The following PTBP3 variants were observed in gnomAD, a reference collection of about 807,000 sequenced individuals.
PTBP3 encodes polypyrimidine tract binding protein 3.
PTBP3 carries 20 observed loss-of-function variants against 58.7 expected under a neutral mutation model. The ratio of observed to expected loss-of-function variants is 0.34; its 90% CI spans 0.24 to 0.50. PTBP3 has a LOEUF of 0.50. Among genes scored for constraint, PTBP3 ranks in the 20% least tolerant of loss-of-function variants. PTBP3 has a pLI of 0.98. For synonymous variants in PTBP3, 185 were observed against 219.8 expected, an observed-to-expected ratio of 0.84 and a Z score of 1.40; for missense variants, 509 against 637.2, an observed-to-expected ratio of 0.80 and a Z score of 2.17.
chr9:112,267,131 A>G (rs1836831127), intron 4 of PTBP3, among the ~76,000 whole-genome samples: 1 of 151,538 alleles, frequency 6.6e-6, no homozygotes, highest in South Asian at 2.1e-4. Flanking sequence ...GAGGCCAAAC[A>G]TGCCCTTAAA....
chr9:112,315,416 T>C (rs1323069470), intron 1 of PTBP3, among the ~76,000 whole-genome samples: 2 of 151,998 alleles, frequency 1.3e-5, no homozygotes. Flanking sequence ...ACAAAATATT[T>C]TGAACTAAGT....
chr9:112,369,568 C>T, the PTBP3 span, among the ~76,000 whole-genome samples: 1 of 152,192 alleles, frequency 6.6e-6, no homozygotes, highest in Non-Finnish European at 1.5e-5. Flanking sequence ...AATGCCTGTA[C>T]TCACATTGTA....
At chr9:112,290,510 A>G (rs943494268) in intron 2 of PTBP3, among the ~76,000 whole-genome samples, 5 of 151,628 alleles carry the variant, frequency 3.3e-5, no homozygotes, top group African/African-American at 1.2e-4. Context: ...TGTCTCTAAT[A>G]AAAATATAAA....
Position 112,223,789 on chromosome 9 carries a change from TC to T in PTBP3, c.*61del. The T allele has an allele frequency of 6.2e-7, 1 of 1,610,424 alleles. No homozygotes were observed. The stretch of plus-strand genomic sequence containing the variant: ...CAAAATTGGTCTTGAGCTGCTTCAG[TC>T]TATGTCTGAAGGTTTTACTGAAATT... On this transcript the variant is annotated 3_prime_UTR_variant, in exon 14 of 14. Coordinates refer to ENST00000374257, the MANE Select transcript of PTBP3 (RefSeq NM_001163788.4).
At chr9:112,262,641 G>C in intron 4 of PTBP3, 42 bp from the exon 5 acceptor site, 1 of 1,487,910 alleles carries the variant, frequency 6.7e-7, no homozygotes, top group South Asian at 1.4e-5. Flanking sequence ...TTATACAGAC[G>C]CATTATATGA....
Position 112,222,846 on chromosome 9 carries a change from A to G in PTBP3, c.*1005T>C. ...TACACAGTAATTCTGAGTAAGTATT[A>G]GAGATTATAGTGGTACAAAAAACCC... On this transcript the variant is annotated 3_prime_UTR_variant, in exon 14 of 14. Coordinates refer to ENST00000374257, the MANE Select transcript of PTBP3 (RefSeq NM_001163788.4). 1.1e-6 allele frequency: 1 copy of G among 892,042 alleles called. No homozygotes were observed. Among genetic ancestry groups the G allele is most frequent in the South Asian group, 5.2e-5 (1 of 19,282 alleles). 55.3% of individuals were successfully genotyped at this position (892,042 alleles called of 1,614,324 possible). A position where few individuals can be genotyped will look rare whatever the true frequency, so the allele number is the denominator to read the frequency against.
chr9:112,340,876 C>CAAAA, the PTBP3 span, among the ~76,000 whole-genome samples: 724 of 30,038 alleles, frequency 0.024, 9 homozygotes, highest in African/African-American at 0.11. Context: ...AACTCTGTCT[C>CAAAA]AAAAAAAAAA....
chr9:112,335,720 C>T (rs1241188832), upstream of PTBP3, among the ~76,000 whole-genome samples: 13 of 142,930 alleles, frequency 9.1e-5, no homozygotes, highest in African/African-American at 3.3e-4. Flanking sequence ...GTCAGGAGTT[C>T]GAAGCCAGCC....
intron 5 of PTBP3, among the ~76,000 whole-genome samples, chr9:112,260,000 T>G (rs894675926): frequency 1.3e-5 from 2 of 152,102 alleles, no homozygotes; most frequent in African/African-American, 4.8e-5. Flanking sequence ...CTCAGCCTCC[T>G]GGGTACAAGT....
the PTBP3 span, among the ~76,000 whole-genome samples, chr9:112,353,313 G>C: frequency 1.4e-4 from 22 of 152,164 alleles, no homozygotes; most frequent in Non-Finnish European, 3.1e-4. Context: ...CAGTTCACTA[G>C]CTTGTGAGTT....
At chr9:112,373,434 C>T in the PTBP3 span, among the ~76,000 whole-genome samples, 110 of 152,206 alleles carry the variant, frequency 7.2e-4, no homozygotes, top group Non-Finnish European at 1.5e-3. Flanking sequence ...TTAGATGGTG[C>T]CCACCCAGAT....
chr9:112,340,807 C>T, the PTBP3 span, among the ~76,000 whole-genome samples: 4 of 151,410 alleles, frequency 2.6e-5, no homozygotes, highest in East Asian at 1.9e-4. Flanking sequence ...ACCCGGGAGG[C>T]GGAGGTTGCG....
chr9:112,291,218 G>A (rs908102938), intron 2 of PTBP3, among the ~76,000 whole-genome samples: 3 of 130,412 alleles, frequency 2.3e-5, no homozygotes, highest in African/African-American at 1.0e-4. Context: ...GCACAATTCT[G>A]TCTCTGTCTC....
At chr9:112,304,210 A>G (rs1258081540) in intron 1 of PTBP3, among the ~76,000 whole-genome samples, 2 of 152,088 alleles carry the variant, frequency 1.3e-5, no homozygotes, top group East Asian at 3.8e-4. Context: ...CCAGAGTCCA[A>G]TTGTACAGAA....
chr9:112,286,247 T>C (rs1828108690), intron 2 of PTBP3, among the ~76,000 whole-genome samples: 1 of 152,236 alleles, frequency 6.6e-6, no homozygotes, highest in South Asian at 2.1e-4. Context: ...GTCTTCCTTT[T>C]ATCTAAACAA....
At chr9:112,290,977 C>CT (rs1378067199) in intron 2 of PTBP3, among the ~76,000 whole-genome samples, 1 of 151,896 alleles carries the variant, frequency 6.6e-6, no homozygotes, top group African/African-American at 2.4e-5. Flanking sequence ...ATCCCAGCAC[C>CT]TTGGGAGGCC....
intron 1 of PTBP3, among the ~76,000 whole-genome samples, chr9:112,304,078 A>C (rs1014079779): frequency 2.0e-5 from 3 of 151,838 alleles, no homozygotes; most frequent in Non-Finnish European, 2.9e-5. Flanking sequence ...GAGGCACGAG[A>C]ATCACTTGAA....
At chr9:112,358,035 C>T in the PTBP3 span, among the ~76,000 whole-genome samples, 104 of 152,156 alleles carry the variant, frequency 6.8e-4, no homozygotes, top group African/African-American at 2.4e-3. Flanking sequence ...TGGCCAGGCG[C>T]GGTGGCTCAT....
Position 112,274,941 on chromosome 9 carries a change from T to C in PTBP3, c.204+903A>G, listed in dbSNP as rs534510030. On this transcript the variant is annotated intron_variant, in intron 3 of 13. Coordinates refer to ENST00000374257, the MANE Select transcript of PTBP3 (RefSeq NM_001163788.4). ...AAAAGTAAAATGCAATAACCCAATG[T>C]TAACAAATTCACTTTTTGAACAATT... Among the ~76,000 whole-genome samples, 3 of 152,336 alleles carry C rather than the reference T, an allele frequency of 2.0e-5. No individual in the cohort carries two copies. The South Asian group carries it at 6.2e-4, about 32-fold the overall frequency.
Sources: gnomAD v4.1 joint callset for allele counts (sites outside exome capture counted in the v4.1 genomes callset) on GRCh38, gnomAD v4.1.1 for gene constraint, MANE v1.5 for transcripts, NCBI Gene and HGNC (gene_info 2026-07-23, HGNC 2026-07-21) for gene names.